The following CDCA7L variants were observed in gnomAD, a reference collection of about 807,000 sequenced individuals.
CDCA7L encodes the protein cell division cycle associated 7 like, also known as cell division cycle-associated 7-like protein.
Under a neutral mutation model 57.4 loss-of-function variants are expected in CDCA7L, and 44 were observed. The ratio of observed to expected loss-of-function variants is 0.77; its 90% CI spans 0.60 to 0.98. The LOEUF (loss-of-function observed/expected upper bound fraction) is 0.98, where lower values mean the gene tolerates loss of function less well. Ranked by LOEUF, CDCA7L falls within the 50% of genes least tolerant of loss-of-function variation. The pLI is 0.00. For synonymous variants in CDCA7L, 236 were observed against 202.8 expected, an observed-to-expected ratio of 1.16 and a Z score of -1.39; for missense variants, 644 against 580.6, an observed-to-expected ratio of 1.11 and a Z score of -1.12.
intron 3 of CDCA7L, 39 bp downstream of exon 3, chr7:21,911,578 A>AAC: frequency 6.4e-7 from 1 of 1,568,426 alleles, no homozygotes; most frequent in South Asian, 1.2e-5. Context: ...CAGGATTAAA[A>AAC]ACGTTACCAC....
At position 21,902,457 on chromosome 7, in the gene CDCA7L, A is replaced by C; in HGVS notation, c.1335-105T>G. ...ATCTAAGAGTACAAAGCCAGAACCC[A>C]GATCTCCTGACACTCGAAATCCTGA... On this transcript the variant is annotated intron_variant, in intron 9 of 9. Transcript: ENST00000406877. The C allele has an allele frequency of 7.4e-6, 8 of 1,082,708 alleles. No individual in the cohort carries two copies. In the South Asian group the frequency reaches 1.0e-4, roughly 14 times the overall value. The allele number at this position is 1,082,708 out of a possible 1,614,324, so 67.1% of individuals were successfully genotyped here.
chr7:21,931,774 G>A (rs10282711), intron 1 of CDCA7L, among the ~76,000 whole-genome samples: 8,239 of 152,150 alleles, frequency 0.054, 742 homozygotes, highest in African/African-American at 0.19. Context: ...CTTCCTATCC[G>A]TGAGCATGGA....
chr7:21,909,857 G>A (rs1326109610), intron 3 of CDCA7L, among the ~76,000 whole-genome samples: 1 of 152,164 alleles, frequency 6.6e-6, no homozygotes, highest in East Asian at 1.9e-4. Flanking sequence ...GAGCACAAGT[G>A]TAGTACATGG....
chr7:21,945,676 C>A lies in CDCA7L; in HGVS notation c.24+105G>T, dbSNP rs1026534080. 3.5e-6 allele frequency: 5 copies of A among 1,437,332 alleles called. No homozygotes were observed. In the African/African-American group the frequency reaches 7.3e-5, roughly 21 times the overall value. 89.0% of individuals were successfully genotyped at this position (1,437,332 alleles called of 1,614,324 possible). On this transcript the variant is annotated intron_variant, in intron 1 of 9. Transcript: ENST00000406877. Reference sequence around the variant, plus strand: ...GCTGGGCGCGCCAGATCCCCAGTGCCGCAGCCAAGGGCCACGTTTCCAGCC... The same window carrying A: ...GCTGGGCGCGCCAGATCCCCAGTGCAGCAGCCAAGGGCCACGTTTCCAGCC...
At chr7:21,936,670 A>G (rs1324159474) in intron 1 of CDCA7L, among the ~76,000 whole-genome samples, 3 of 152,146 alleles carry the variant, frequency 2.0e-5, no homozygotes, top group Non-Finnish European at 4.4e-5. Context: ...ACTCACCAAC[A>G]TAAGGCTATA....
At chr7:21,927,123 A>C (rs1457108253) in intron 1 of CDCA7L, among the ~76,000 whole-genome samples, 1 of 152,182 alleles carries the variant, frequency 6.6e-6, no homozygotes, top group Non-Finnish European at 1.5e-5. Flanking sequence ...AAGACATATA[A>C]AAAAGAAGAA....
At position 21,900,922 on chromosome 7, in the gene CDCA7L, T is replaced by A. The variant is rs1784778678; in HGVS notation, c.*1400A>T. On this transcript the variant is annotated 3_prime_UTR_variant, in exon 10 of 10. Transcript: ENST00000406877. ...AATATGACAAAACCAGAATGTTGAA[T>A]GTTTATTGCATCAAACAACTTACTT... 2 of 1,425,238 alleles carry A rather than the reference T, an allele frequency of 1.4e-6. No homozygotes were observed. The highest frequency in any genetic ancestry group is 1.5e-5 in the South Asian group (1 of 64,822). 88.3% of individuals were successfully genotyped at this position (1,425,238 alleles called of 1,614,324 possible).
chr7:21,904,384 C>A (rs780895975), intron 7 of CDCA7L, 125 bp from the exon 8 acceptor site: 105 of 1,004,960 alleles, frequency 1.0e-4, no homozygotes, highest in Non-Finnish European at 1.4e-4. Context: ...TCAAGCAGGA[C>A]TGTTTTCCTA....
At chr7:21,912,687 T>C (rs1785370170) in intron 2 of CDCA7L, among the ~76,000 whole-genome samples, 1 of 152,138 alleles carries the variant, frequency 6.6e-6, no homozygotes, top group African/African-American at 2.4e-5. Context: ...CCAGAGAGCC[T>C]AGACTTGCTC....
At chr7:21,910,254 T>TCGTGCTGGCAAGAAGCTAGGGA (rs761700159) in intron 3 of CDCA7L, among the ~76,000 whole-genome samples, 50 of 152,196 alleles carry the variant, frequency 3.3e-4, no homozygotes, top group Non-Finnish European at 6.2e-4. Flanking sequence ...CATCTTAATA[T>TCGTGCTGGCAAGAAGCTAGGGA]CGTGCTGGCA....
intron 1 of CDCA7L, among the ~76,000 whole-genome samples, chr7:21,934,726 G>GA (rs1786112007): frequency 6.6e-6 from 1 of 151,988 alleles, no homozygotes; most frequent in Non-Finnish European, 1.5e-5. Context: ...TAAAAGGACA[G>GA]AAAAAGATAC....
intron 1 of CDCA7L, among the ~76,000 whole-genome samples, chr7:21,939,665 C>T (rs1045797159): frequency 6.6e-6 from 1 of 152,190 alleles, no homozygotes; most frequent in African/African-American, 2.4e-5. Context: ...GTGCAACTGA[C>T]GTTTTGGACA....
intron 8 of CDCA7L, among the ~76,000 whole-genome samples, chr7:21,903,455 G>C (rs536337714): frequency 6.6e-6 from 1 of 152,098 alleles, no homozygotes; most frequent in African/African-American, 2.4e-5. Context: ...AAATATCAAG[G>C]TATGAATTTC....
chr7:21,907,750 G>T (rs914796013), intron 4 of CDCA7L, among the ~76,000 whole-genome samples: 1 of 152,112 alleles, frequency 6.6e-6, no homozygotes, highest in Non-Finnish European at 1.5e-5. Flanking sequence ...CCTGCTCCTT[G>T]CAACTTCTCA....
chr7:21,908,037 G>A, intron 4 of CDCA7L, 93 bp downstream of exon 4: 2 of 1,363,528 alleles, frequency 1.5e-6, no homozygotes, highest in Non-Finnish European at 1.9e-6. Flanking sequence ...CAAAGCAACA[G>A]CAGCAGCTGT....
In CDCA7L at chr7:21,903,127, T is replaced by C. The variant is rs751597464; in HGVS notation, c.1198-13A>G. 1.2e-6 allele frequency: 2 copies of C among 1,611,386 alleles called. No individual in the cohort carries two copies. Among genetic ancestry groups the C allele is most frequent in the Non-Finnish European group, 1.7e-6 (2 of 1,179,106 alleles). ...GACACACCCAATCCTAACAGAGAGA[T>C]GACAGCAGACACTTCGCTCATTATC... On this transcript the variant is annotated splice_polypyrimidine_tract_variant and intron_variant, in intron 8 of 9. Coordinates refer to ENST00000406877, the MANE Select transcript of CDCA7L (RefSeq NM_018719.5).
intron 1 of CDCA7L, among the ~76,000 whole-genome samples, chr7:21,928,005 A>G (rs1425862973): frequency 6.6e-6 from 1 of 152,122 alleles, no homozygotes; most frequent in Non-Finnish European, 1.5e-5. Flanking sequence ...CCCTGACTCC[A>G]TGCCTCCTGA....
chr7:21,928,146 C>CA (rs1785884232), intron 1 of CDCA7L, among the ~76,000 whole-genome samples: 1 of 152,158 alleles, frequency 6.6e-6, no homozygotes, highest in Non-Finnish European at 1.5e-5. Flanking sequence ...TGCTGTTCTG[C>CA]AACCTCGCAA....
chr7:21,920,568 AG>A (rs1194324201), intron 1 of CDCA7L, among the ~76,000 whole-genome samples: 2 of 152,236 alleles, frequency 1.3e-5, no homozygotes, highest in African/African-American at 2.4e-5. Context: ...AATCACTGCA[AG>A]GGACAAACAA....
Sources: allele counts gnomAD v4.1 joint callset (sites outside exome capture counted in the v4.1 genomes callset), GRCh38; gene constraint gnomAD v4.1.1; transcripts MANE v1.5; gene names NCBI Gene and HGNC (gene_info 2026-07-23, HGNC 2026-07-21).